Variants in HABP4 observed in about 807,000 individuals in gnomAD.
HABP4 encodes hyaluronan binding protein 4, also known as intracellular hyaluronan-binding protein 4.
HABP4 carries 32 observed loss-of-function variants against 44.1 expected under a neutral mutation model. The ratio of observed to expected loss-of-function variants is 0.73; its 90% CI spans 0.55 to 0.97. The LOEUF (loss-of-function observed/expected upper bound fraction) is 0.97. HABP4 is among the 50% of genes least tolerant of loss of function. HABP4 has a pLI of 0.00. For synonymous variants in HABP4, 216 were observed against 218.0 expected, an observed-to-expected ratio of 0.99 and a Z score of 0.08; for missense variants, 503 against 561.9, an observed-to-expected ratio of 0.90 and a Z score of 1.06.
intron 5 of HABP4, among the ~76,000 whole-genome samples, chr9:96,472,395 G>A (rs1023270931): frequency 2.6e-5 from 4 of 151,872 alleles, no homozygotes; most frequent in African/African-American, 7.3e-5. Flanking sequence ...GTACCCTTCC[G>A]CCATCGTCCT....
chr9:96,465,818 A>C (rs770819467), intron 4 of HABP4, 40 bp downstream of exon 4: 1 of 1,053,098 alleles, frequency 9.5e-7, no homozygotes, highest in Non-Finnish European at 1.5e-6. Context: ...CCTGCAATTA[A>C]GTGGAAATCT....
In HABP4 at chr9:96,491,294, A is replaced by G. The variant is rs1414427370; in HGVS notation, c.*1256A>G. The G allele has an allele frequency of 6.6e-6, 1 of 152,208 alleles. No homozygotes were observed. Among genetic ancestry groups the G allele is most frequent in the East Asian group, 1.9e-4 (1 of 5,196 alleles). The allele number at this position is 152,208 out of a possible 1,614,324, so 9.4% of individuals were successfully genotyped here. On this transcript the variant is annotated 3_prime_UTR_variant, in exon 8 of 8. Transcript: ENST00000375249. ...TGCCACACTGTCTAAGGTGGCTTTG[A>G]ACTGGAACCCAAGTGCAAATAAAGG...
At chr9:96,475,083 A>G (rs988821437) in intron 5 of HABP4, among the ~76,000 whole-genome samples, 2 of 152,142 alleles carry the variant, frequency 1.3e-5, no homozygotes, top group South Asian at 2.1e-4. Context: ...TTTTAAGAAT[A>G]ACTCTAACAT....
chr9:96,453,354 G>T (rs1369546635), intron 1 of HABP4, among the ~76,000 whole-genome samples: 4 of 152,016 alleles, frequency 2.6e-5, no homozygotes, highest in African/African-American at 9.7e-5. Flanking sequence ...GATTACAGGT[G>T]TGAGCTACTG....
At chr9:96,459,748 A>T (rs1290396828) in intron 2 of HABP4, among the ~76,000 whole-genome samples, 1 of 152,172 alleles carries the variant, frequency 6.6e-6, no homozygotes, top group African/African-American at 2.4e-5. Flanking sequence ...CCTATTAAAA[A>T]CAAAACAAAA....
rs751013276 is a variant in HABP4, at chr9:96,465,776, C to T, written c.741C>T (p.Thr247=). ...GAACCTGGGGATCGGGTAAAGATAC[C>T]AGGTACGGTGTAAGTGTGTGCCCTC... ...GVRTWGSGKD[T]SDVEPTAPME... Residue 247 remains threonine (T), a splice_region_variant and synonymous_variant, in exon 4 of 8, where the codon ACC becomes ACT. Coordinates refer to ENST00000375249, the MANE Select transcript of HABP4 (RefSeq NM_014282.4). The T allele has an allele frequency of 6.5e-6, 10 of 1,541,080 alleles. No individual in the cohort carries two copies. The African/African-American group carries it at 1.2e-4, about 19-fold the overall frequency.
chr9:96,469,906 A>G (rs1448746240), intron 4 of HABP4, among the ~76,000 whole-genome samples: 2 of 152,232 alleles, frequency 1.3e-5, no homozygotes, highest in Non-Finnish European at 2.9e-5. Flanking sequence ...TTGATCATAC[A>G]GTTCTATGAT....
intron 5 of HABP4, among the ~76,000 whole-genome samples, chr9:96,481,534 G>T (rs944617556): frequency 6.6e-6 from 1 of 152,088 alleles, no homozygotes; most frequent in South Asian, 2.1e-4. Context: ...CTTGAGGCCA[G>T]GAGTTCAAGA....
At chr9:96,459,156 T>A (rs1369978938) in intron 2 of HABP4, among the ~76,000 whole-genome samples, 39 of 152,156 alleles carry the variant, frequency 2.6e-4, no homozygotes, top group Admixed American at 2.6e-3. Flanking sequence ...GTTGAACTGG[T>A]TTTCTTTTGA....
At chr9:96,456,921 AGAG>A (rs1832404509) in intron 1 of HABP4, among the ~76,000 whole-genome samples, 3 of 150,430 alleles carry the variant, frequency 2.0e-5, no homozygotes, top group Admixed American at 1.3e-4. Flanking sequence ...GCACATAGTG[AGAG>A]GAGATCTTTT....
rs1331697402 is a variant in HABP4 at position 96,484,589 on chromosome 9, C to T, written c.955C>T (p.Pro319Ser). 8 of 1,597,904 alleles carry T rather than the reference C, an allele frequency of 5.0e-6. No homozygotes were observed. Among genetic ancestry groups the T allele is most frequent in the Non-Finnish European group, 6.0e-6 (7 of 1,165,238 alleles). ...FNIRKPESTV[P>S]SKAVVIHKSK... is the part of the protein sequence containing the mutation. ...CATCCGGAAACCAGAATCCACTGTTCCTTCCAAAGCCGTGGTGATTCACAA... is the reference window on the plus strand; with the variant it reads ...CATCCGGAAACCAGAATCCACTGTTTCTTCCAAAGCCGTGGTGATTCACAA... Residue 319 changes from proline to serine, a missense_variant, in exon 6 of 8, where the codon CCT becomes TCT. Transcript: ENST00000375249.
intron 1 of HABP4, among the ~76,000 whole-genome samples, chr9:96,453,987 T>A (rs1832331124): frequency 6.6e-6 from 1 of 152,012 alleles, no homozygotes; most frequent in South Asian, 2.1e-4. Context: ...TTTTGGGGGG[T>A]TTGGGAGGGA....
chr9:96,476,537 T>G (rs1300473042), intron 5 of HABP4, among the ~76,000 whole-genome samples: 1 of 152,190 alleles, frequency 6.6e-6, no homozygotes, highest in African/African-American at 2.4e-5. Flanking sequence ...AACCAAGAAT[T>G]GTGAAGGTCT....
chr9:96,453,203 A>C (rs1407774282), intron 1 of HABP4, among the ~76,000 whole-genome samples: 2 of 148,198 alleles, frequency 1.3e-5, no homozygotes, highest in African/African-American at 5.0e-5. Context: ...GGTAGCTGGG[A>C]CTACAGGCAT....
At chr9:96,456,759 C>CAAAAAAAA (rs764603456) in intron 1 of HABP4, among the ~76,000 whole-genome samples, 2 of 24,726 alleles carry the variant, frequency 8.1e-5, no homozygotes, top group African/African-American at 4.1e-4. Context: ...GACTCCATCT[C>CAAAAAAAA]AAAAAAAAAA....
chr9:96,457,409 T>A (rs1037467219), intron 1 of HABP4, among the ~76,000 whole-genome samples: 1 of 151,526 alleles, frequency 6.6e-6, no homozygotes, highest in Non-Finnish European at 1.5e-5. Context: ...CTGGACTGAG[T>A]GGACAAAAAG....
intron 7 of HABP4, among the ~76,000 whole-genome samples, chr9:96,489,741 T>A (rs1170460561): frequency 6.6e-6 from 1 of 152,138 alleles, no homozygotes; most frequent in Non-Finnish European, 1.5e-5. Flanking sequence ...GAACCCCCAG[T>A]AAGAGCTTGC....
At position 96,490,011 on chromosome 9, in the gene HABP4, C is replaced by G; in HGVS notation, c.1215C>G (p.Asp405Glu). The G allele has an allele frequency of 6.2e-7, 1 of 1,604,376 alleles. No individual in the cohort carries two copies. Among genetic ancestry groups the G allele is most frequent in the East Asian group, 2.2e-5 (1 of 44,836 alleles). ...VMQDVAPNPD[D>E]PEDFPALS ...AAGATGTTGCCCCCAACCCAGATGACCCGGAAGATTTCCCTGCGCTGTCTT... is the reference window on the plus strand; with the variant it reads ...AAGATGTTGCCCCCAACCCAGATGAGCCGGAAGATTTCCCTGCGCTGTCTT... The change falls in exon 8 of 8, where the codon GAC (aspartate) becomes GAG (glutamate). Residue 405 changes from aspartate to glutamate, a missense_variant. Asp to Glu is a conservative substitution (Grantham distance 45). This residue lies in a region of HABP4 where 82 missense variants were observed against 71.6 expected (regional missense o/e 1.15). Coordinates refer to ENST00000375249, the MANE Select transcript of HABP4 (RefSeq NM_014282.4).
At chr9:96,478,658 T>A (rs1018065395) in intron 5 of HABP4, among the ~76,000 whole-genome samples, 28 of 142,060 alleles carry the variant, frequency 2.0e-4, no homozygotes, top group African/African-American at 8.3e-4. Flanking sequence ...TTGTCATCGT[T>A]TTTTTTTTTT....
Sources: allele counts gnomAD v4.1 joint callset (sites outside exome capture counted in the v4.1 genomes callset), GRCh38; gene constraint gnomAD v4.1.1; regional missense constraint gnomAD v4.1.1; transcripts MANE v1.5; gene names NCBI Gene and HGNC (gene_info 2026-07-23, HGNC 2026-07-21).